The following NRG1 variants were observed in gnomAD, a reference collection of about 807,000 sequenced individuals.
The protein encoded by NRG1 is neuregulin 1, also known as pro-neuregulin-1, membrane-bound isoform.
A neutral mutation model predicts 63.8 loss-of-function variants in NRG1; 18 were observed. That is an observed-to-expected ratio of 0.28 (90% CI 0.19 to 0.42). NRG1 has a LOEUF of 0.42. Among genes scored for constraint, NRG1 ranks in the 10% least tolerant of loss-of-function variants. The pLI, the probability that NRG1 is intolerant of heterozygous loss-of-function variation, is 1.00. For synonymous variants in NRG1, 302 were observed against 301.3 expected (o/e 1.00, Z -0.02); for missense variants, 762 against 814.7 (o/e 0.94, Z 0.79).
At chr8:31,741,880 A>G (rs1815313171) in intron 1 of NRG1, among the ~76,000 whole-genome samples, 1 of 152,040 alleles carries the variant, frequency 6.6e-6, no homozygotes, top group Non-Finnish European at 1.5e-5. Context: ...CAGGAAGCAC[A>G]TATAAGAATA....
intron 1 of NRG1, among the ~76,000 whole-genome samples, chr8:32,103,137 A>T (rs1270540135): frequency 2.0e-5 from 3 of 152,134 alleles, no homozygotes; most frequent in Non-Finnish European, 4.4e-5. Context: ...TAGGTCTTCT[A>T]ATTATTTTTT....
intron 1 of NRG1, among the ~76,000 whole-genome samples, chr8:31,807,746 C>T (rs1822428475): frequency 2.0e-5 from 3 of 152,098 alleles, no homozygotes; most frequent in African/African-American, 7.2e-5. Flanking sequence ...TTTTCCTCTT[C>T]ACTCAGACCC....
At chr8:32,136,199 G>A (rs1835498143) in intron 1 of NRG1, among the ~76,000 whole-genome samples, 1 of 152,190 alleles carries the variant, frequency 6.6e-6, no homozygotes, top group Non-Finnish European at 1.5e-5. Flanking sequence ...CTCCCACTGA[G>A]GCAAAGATCA....
rs367599449 is a variant in NRG1 at position 31,804,084 on chromosome 8, C to T, written c.37+164653C>T. ...TATGTCTTTATCTATTGTCTTTTCC[C>T]AGTCTCCAACTAGATTGCAAAGTCC... On this transcript the variant is annotated intron_variant, in intron 1 of 10. Transcript: ENST00000519301. Among the ~76,000 whole-genome samples the T allele has an allele frequency of 8.5e-5, 13 of 152,292 alleles. No individual in the cohort carries two copies. In the South Asian group the frequency reaches 2.5e-3, roughly 29 times the overall value.
At chr8:32,453,570 T>A (rs1366146063) in intron 1 of NRG1, among the ~76,000 whole-genome samples, 1 of 152,144 alleles carries the variant, frequency 6.6e-6, no homozygotes, top group Non-Finnish European at 1.5e-5. Context: ...CTTTAAACTG[T>A]TTATAGGAAA....
At chr8:32,452,583 T>G (rs547225173) in intron 1 of NRG1, among the ~76,000 whole-genome samples, 1 of 152,176 alleles carries the variant, frequency 6.6e-6, no homozygotes, top group Non-Finnish European at 1.5e-5. Context: ...GGGGCTTAAT[T>G]GTAAAAACCT....
intron 1 of NRG1, among the ~76,000 whole-genome samples, chr8:31,883,978 T>C (rs1215239505): frequency 2.0e-5 from 3 of 152,104 alleles, no homozygotes; most frequent in Non-Finnish European, 2.9e-5. Flanking sequence ...ATTAGCTTAT[T>C]TCCTCTGGAG....
chr8:32,161,960 C>A (rs1337907340), intron 1 of NRG1, among the ~76,000 whole-genome samples: 1 of 152,194 alleles, frequency 6.6e-6, no homozygotes, highest in Non-Finnish European at 1.5e-5. Flanking sequence ...CAGTCCCCAC[C>A]TGGCTTAGTG....
At chr8:32,238,467 G>A (rs973122196) in intron 1 of NRG1, among the ~76,000 whole-genome samples, 13 of 151,534 alleles carry the variant, frequency 8.6e-5, no homozygotes, top group Non-Finnish European at 1.9e-4. Context: ...AAAACCTTTA[G>A]GAAGGATAAA....
At chr8:31,651,682 A>C (rs1158090160) in intron 1 of NRG1, among the ~76,000 whole-genome samples, 1 of 152,188 alleles carries the variant, frequency 6.6e-6, no homozygotes, top group Non-Finnish European at 1.5e-5. Context: ...CAGTTGTCAA[A>C]TGGGAATAAT....
chr8:32,156,032 C>T (rs977295477), intron 1 of NRG1, among the ~76,000 whole-genome samples: 5 of 152,208 alleles, frequency 3.3e-5, no homozygotes, highest in Non-Finnish European at 4.4e-5. Context: ...GGCAATGTCA[C>T]CCCACTGAAT....
intron 1 of NRG1, among the ~76,000 whole-genome samples, chr8:31,654,434 A>G (rs1805217982): frequency 1.3e-5 from 2 of 152,214 alleles, no homozygotes; most frequent in African/African-American, 2.4e-5. Flanking sequence ...TTAAATATTG[A>G]GAAGACAAGA....
At chr8:32,658,459 T>C (rs1802043100) in intron 5 of NRG1, among the ~76,000 whole-genome samples, 1 of 152,206 alleles carries the variant, frequency 6.6e-6, no homozygotes, top group Admixed American at 6.5e-5. Context: ...TGTTATTTCG[T>C]TAGGACATAC....
At chr8:32,096,424 T>A (rs1829914703) in intron 1 of NRG1, among the ~76,000 whole-genome samples, 1 of 152,244 alleles carries the variant, frequency 6.6e-6, no homozygotes, top group Admixed American at 6.5e-5. Context: ...TTTCTTTGTG[T>A]TGGGAACATT....
At chr8:32,101,247 C>T (rs1830538763) in intron 1 of NRG1, among the ~76,000 whole-genome samples, 1 of 152,102 alleles carries the variant, frequency 6.6e-6, no homozygotes, top group South Asian at 2.1e-4. Flanking sequence ...TTCTGAGCCC[C>T]TCTCCAGACT....
chr8:31,952,718 G>A (rs928085971), intron 1 of NRG1, among the ~76,000 whole-genome samples: 3 of 152,186 alleles, frequency 2.0e-5, no homozygotes, highest in Non-Finnish European at 4.4e-5. Flanking sequence ...CAGGTGGCTG[G>A]TACATTCCTG....
At chr8:32,018,577 T>C (rs1363013675) in intron 1 of NRG1, among the ~76,000 whole-genome samples, 1 of 152,224 alleles carries the variant, frequency 6.6e-6, no homozygotes, top group Non-Finnish European at 1.5e-5. Context: ...ATGCTTTTTA[T>C]TTTCATCTAT....
At chr8:32,685,772 G>A (rs1288703871) in intron 5 of NRG1, among the ~76,000 whole-genome samples, 1 of 152,172 alleles carries the variant, frequency 6.6e-6, no homozygotes, top group African/African-American at 2.4e-5. Flanking sequence ...GGTGCATGCA[G>A]AAGGCTTCCT....
chr8:31,798,492 T>A lies in NRG1; in HGVS notation c.37+159061T>A, dbSNP rs79499048. Among the ~76,000 whole-genome samples, 21 of 152,302 alleles carry A rather than the reference T, an allele frequency of 1.4e-4. No individual in the cohort carries two copies. The East Asian group carries it at 4.0e-3, about 29-fold the overall frequency. ...GACTAATATCTTTGCCTTTGACTGA[T>A]TTGAATAAAAATATGTTAAATGAAC... On this transcript the variant is annotated intron_variant, in intron 1 of 10. Transcript: ENST00000519301.
Sources: allele counts gnomAD v4.1 joint callset (sites outside exome capture counted in the v4.1 genomes callset), GRCh38; gene constraint gnomAD v4.1.1; transcripts MANE v1.5; gene names NCBI Gene and HGNC (gene_info 2026-07-23, HGNC 2026-07-21).